The following ANKRD31 variants were observed in gnomAD, a reference collection of about 807,000 sequenced individuals.
ANKRD31 encodes ankyrin repeat domain 31.
A neutral mutation model predicts 186.0 loss-of-function variants in ANKRD31; 147 were observed. The ratio of observed to expected loss-of-function variants is 0.79; its 90% CI spans 0.69 to 0.91. The LOEUF (loss-of-function observed/expected upper bound fraction) is 0.91, where lower values mean the gene tolerates loss of function less well. Ranked by LOEUF, ANKRD31 falls within the 40% of genes least tolerant of loss-of-function variation. ANKRD31 has a pLI of 0.00. For synonymous variants in ANKRD31, 673 were observed against 736.4 expected, an observed-to-expected ratio of 0.91 and a Z score of 1.39; for missense variants, 1,986 against 2,148.8, an observed-to-expected ratio of 0.92 and a Z score of 1.50.
chr5:75,172,457 T>A (rs1162988137), intron 10 of ANKRD31, among the ~76,000 whole-genome samples: 2 of 151,620 alleles, frequency 1.3e-5, no homozygotes, highest in Non-Finnish European at 2.9e-5. Context: ...GAGCTGGTTT[T>A]TTGAAAAGAT....
chr5:75,232,339 C>T (rs1758000185), intron 1 of ANKRD31, among the ~76,000 whole-genome samples: 1 of 152,160 alleles, frequency 6.6e-6, no homozygotes, highest in African/African-American at 2.4e-5. Flanking sequence ...TCTCAGCTCA[C>T]TACAACCTCC....
At chr5:75,216,337 A>T (rs987940095) in intron 3 of ANKRD31, among the ~76,000 whole-genome samples, 4 of 152,180 alleles carry the variant, frequency 2.6e-5, no homozygotes, top group Non-Finnish European at 5.9e-5. Flanking sequence ...CCATATATTT[A>T]AAAAGCTACC....
intron 17 of ANKRD31, among the ~76,000 whole-genome samples, chr5:75,130,862 G>C (rs1328131091): frequency 6.6e-6 from 1 of 152,188 alleles, no homozygotes; most frequent in African/African-American, 2.4e-5. Flanking sequence ...CCTCTCACTG[G>C]CACTCACCAC....
chr5:75,159,342 C>T (rs1752420557), intron 11 of ANKRD31, among the ~76,000 whole-genome samples: 1 of 152,034 alleles, frequency 6.6e-6, no homozygotes. Context: ...TAGCTGAAAA[C>T]TTGCCAAATC....
intron 22 of ANKRD31, among the ~76,000 whole-genome samples, chr5:75,094,347 G>A (rs1002736465): frequency 6.6e-6 from 1 of 151,542 alleles, no homozygotes; most frequent in Admixed American, 6.6e-5. Flanking sequence ...CGTATTGTTG[G>A]GTTTATAAAT....
Position 75,112,553 on chromosome 5 carries a change from T to G in ANKRD31, c.4203A>C (p.Glu1401Asp). The change falls in exon 20 of 26, where the codon GAA becomes GAC. Residue 1401 changes from glutamate (E) to aspartate (D), a missense_variant. By Grantham distance (45) the Glu-to-Asp change is conservative. Transcript: ENST00000506364. ...TTCTTATTTCAAACTCTAATAAATA[T>G]TCTTGTTTTTCTTCTATATCTTGTA... ...AILQDIEEKQ[E>D]YLLEFEIRNP... The G allele has an allele frequency of 6.6e-7, 1 of 1,525,206 alleles. No individual in the cohort carries two copies. Among genetic ancestry groups the G allele is most frequent in the Non-Finnish European group, 8.8e-7 (1 of 1,138,552 alleles). The allele number at this position is 1,525,206 out of a possible 1,614,324, so 94.5% of individuals were successfully genotyped here. A position where few individuals can be genotyped will look rare whatever the true frequency, so the allele number is the denominator to read the frequency against.
Position 75,230,588 on chromosome 5 carries a change from T to C in ANKRD31, c.152A>G (p.His51Arg), listed in dbSNP as rs1757886748. Residue 51 changes from histidine (H) to arginine (R), a missense_variant, in exon 2 of 26, where the codon CAT (histidine) becomes CGT (arginine). Coordinates refer to ENST00000506364, the MANE Select transcript of ANKRD31 (RefSeq NM_001372053.1). Reference sequence around the variant, plus strand: ...TTTGCACATTCCTCTTGTATCAGGATGCAGACTGAACTCAGATTTAAGAGA... The same window carrying C: ...TTTGCACATTCCTCTTGTATCAGGACGCAGACTGAACTCAGATTTAAGAGA... ...DASLKSEFSL[H>R]PDTRGMCKGM... 1 of 1,536,958 alleles carries C rather than the reference T, an allele frequency of 6.5e-7. No individual in the cohort carries two copies. Among genetic ancestry groups the C allele is most frequent in the South Asian group, 1.2e-5 (1 of 84,040 alleles).
At chr5:75,176,856 A>G (rs1040787501) in intron 10 of ANKRD31, among the ~76,000 whole-genome samples, 2 of 152,256 alleles carry the variant, frequency 1.3e-5, no homozygotes, top group Non-Finnish European at 2.9e-5. Context: ...GCAGCTCCTC[A>G]CCAGCAATGG....
chr5:75,162,283 G>T (rs896658240), intron 11 of ANKRD31, among the ~76,000 whole-genome samples: 3 of 152,190 alleles, frequency 2.0e-5, no homozygotes, highest in Non-Finnish European at 4.4e-5. Context: ...ATGAGACATG[G>T]AGTCAAAGGA....
At chr5:75,232,434 T>C (rs1758006603) in intron 1 of ANKRD31, among the ~76,000 whole-genome samples, 1 of 152,142 alleles carries the variant, frequency 6.6e-6, no homozygotes, top group Admixed American at 6.5e-5. Context: ...CAGCTAATTC[T>C]TGTATTTTTA....
At position 75,146,256 on chromosome 5, in the gene ANKRD31, T is replaced by C. The variant is rs1751425963; in HGVS notation, c.3155A>G (p.His1052Arg). The change falls in exon 14 of 26, where the codon CAT becomes CGT. Residue 1052 changes from histidine (H) to arginine (R), a missense_variant. Physicochemically the swap from His to Arg is conservative, Grantham distance 29. Coordinates refer to ENST00000506364, the MANE Select transcript of ANKRD31 (RefSeq NM_001372053.1). ...ATTCTTTGCCATCTTTTCCACAATA[T>C]GTGTATCTGTTTGATTCATTAAAAA... ...PTFLMNQTDT[H>R]IVEKMAKNCD... is the part of the protein sequence containing the mutation. 1 of 1,536,408 alleles carries C rather than the reference T, an allele frequency of 6.5e-7. No homozygotes were observed. Among genetic ancestry groups the C allele is most frequent in the African/African-American group, 1.4e-5 (1 of 72,994 alleles).
rs781047508 is a variant in ANKRD31, at chr5:75,138,000, T to TA, written c.3734-3dup. On this transcript the variant is annotated splice_region_variant and splice_polypyrimidine_tract_variant and intron_variant, in intron 16 of 25. Coordinates refer to ENST00000506364, the MANE Select transcript of ANKRD31 (RefSeq NM_001372053.1). ...ATGCCTCATGAAGTGGTGTCCAACC[T>TA]AAAAAAAGAAAAAGAAAAAAAAAAA... The TA allele has an allele frequency of 9.1e-5, 126 of 1,392,168 alleles. 1 individual carries two copies. The East Asian group carries it at 1.9e-3, about 21-fold the overall frequency. 86.2% of individuals were successfully genotyped at this position (1,392,168 alleles called of 1,614,324 possible).
intron 11 of ANKRD31, 121 bp from the exon 12 acceptor site, chr5:75,154,466 C>A: frequency 1.3e-5 from 11 of 854,814 alleles, no homozygotes; most frequent in Non-Finnish European, 1.6e-5. Flanking sequence ...TTGGATTTAT[C>A]TATAAATCCT....
At chr5:75,085,465 G>A (rs745676585) in intron 23 of ANKRD31, among the ~76,000 whole-genome samples, 1 of 151,906 alleles carries the variant, frequency 6.6e-6, no homozygotes, top group Non-Finnish European at 1.5e-5. Flanking sequence ...TCCACCTCCT[G>A]AGTTCAAGCA....
intron 2 of ANKRD31, chr5:75,225,519 CT>C: frequency 3.4e-6 from 1 of 295,140 alleles, no homozygotes; most frequent in Non-Finnish European, 6.7e-6. Context: ...TCATACACCA[CT>C]TAGTAAACTA....
rs1406598955 is a variant in ANKRD31, at chr5:75,116,595, G to C, written c.4126C>G (p.Gln1376Glu). The C allele has an allele frequency of 1.4e-6, 2 of 1,462,438 alleles. No individual in the cohort carries two copies. Among genetic ancestry groups the C allele is most frequent in the East Asian group, 5.0e-5 (2 of 39,926 alleles). The allele number at this position is 1,462,438 out of a possible 1,614,324, so 90.6% of individuals were successfully genotyped here. A position where few individuals can be genotyped will look rare whatever the true frequency, so the allele number is the denominator to read the frequency against. Reference sequence around the variant, plus strand: ...GAAAGGCTTTCTCTTGATCTTTCTTGGTGTGAAAGGGAAGATGAGTCAATA... The same window carrying C: ...GAAAGGCTTTCTCTTGATCTTTCTTCGTGTGAAAGGGAAGATGAGTCAATA... ...KTIDSSSLSH[Q>E]ERSRESLSVH... Residue 1376 changes from glutamine to glutamate, a missense_variant, in exon 19 of 26, where the codon CAA (glutamine) becomes GAA (glutamate). Coordinates refer to ENST00000506364, the MANE Select transcript of ANKRD31 (RefSeq NM_001372053.1).
chr5:75,077,300 G>A (rs1744723092), intron 25 of ANKRD31, among the ~76,000 whole-genome samples: 2 of 152,034 alleles, frequency 1.3e-5, no homozygotes, highest in Non-Finnish European at 2.9e-5. Context: ...CAAACCCCTG[G>A]CCCCAAGCAG....
At chr5:75,149,098 C>A (rs562737033) in intron 12 of ANKRD31, among the ~76,000 whole-genome samples, 7 of 151,798 alleles carry the variant, frequency 4.6e-5, no homozygotes, top group Non-Finnish European at 8.8e-5. Context: ...AAAGGCCAAC[C>A]GTCTTGTGAA....
intron 5 of ANKRD31, 42 bp from the exon 6 acceptor site, chr5:75,199,716 C>CA: frequency 6.8e-7 from 1 of 1,476,432 alleles, no homozygotes; most frequent in Non-Finnish European, 9.1e-7. Flanking sequence ...TTTATGGAAG[C>CA]ACTAAAAACA....
Sources: gnomAD v4.1 joint callset for allele counts (sites outside exome capture counted in the v4.1 genomes callset) on GRCh38, gnomAD v4.1.1 for gene constraint, MANE v1.5 for transcripts, NCBI Gene and HGNC (gene_info 2026-07-23, HGNC 2026-07-21) for gene names.